The following CARS1 variants were observed in gnomAD, a reference collection of about 807,000 sequenced individuals.
CARS1 encodes cysteinyl-tRNA synthetase 1, also known as cysteine--tRNA ligase, cytoplasmic.
A neutral mutation model predicts 106.2 loss-of-function variants in CARS1; 48 were observed. The ratio of observed to expected loss-of-function variants is 0.45; its 90% confidence interval spans 0.36 to 0.57. The LOEUF (loss-of-function observed/expected upper bound fraction) is 0.57, where lower values mean the gene tolerates loss of function less well. Among genes scored for constraint, CARS1 ranks in the 20% least tolerant of loss-of-function variants. The pLI is 0.00. For missense variants in CARS1, 968 were observed against 1,057.2 expected, an observed-to-expected ratio of 0.92 and a Z score of 1.17; for synonymous variants, 409 against 403.4, an observed-to-expected ratio of 1.01 and a Z score of -0.17.
chr11:3,024,080 A>G (rs1236872523), intron 10 of CARS1, among the ~76,000 whole-genome samples: 1 of 152,054 alleles, frequency 6.6e-6, no homozygotes, highest in Non-Finnish European at 1.5e-5. Context: ...TTTAGTAGAG[A>G]TGGGGTTTCA....
rs1040278624 is a variant in CARS1, at chr11:3,008,485, G to A, written c.2069-1526C>T. 6.6e-6 allele frequency: 1 copy of A among 152,010 alleles called. No homozygotes were observed. The highest frequency in any genetic ancestry group is 1.5e-5 in the Non-Finnish European group (1 of 68,068). 9.4% of individuals were successfully genotyped at this position (152,010 alleles called of 1,614,324 possible). A position where few individuals can be genotyped will look rare whatever the true frequency, so the allele number is the denominator to read the frequency against. On this transcript the variant is annotated intron_variant, in intron 18 of 22. Coordinates refer to ENST00000380525, the MANE Select transcript of CARS1 (RefSeq NM_001014437.3). This position sits in a 1 kb window ranked among gnomAD's most constrained non-coding sequence, Gnocchi z 5.1. Reference sequence around the variant, plus strand: ...AATACAAAAACTATCTGGGTGTGGTGGCATGTGCCTGTAATCCCAGCTACT... The same window carrying A: ...AATACAAAAACTATCTGGGTGTGGTAGCATGTGCCTGTAATCCCAGCTACT...
chr11:3,051,836 G>T (rs1490301988), intron 1 of CARS1, among the ~76,000 whole-genome samples: 2 of 152,074 alleles, frequency 1.3e-5, no homozygotes, highest in African/African-American at 4.8e-5. Context: ...CTCATGCCTG[G>T]GTTGGACTCC....
At position 3,048,124 on chromosome 11, in the gene CARS1, C is replaced by A; in HGVS notation, c.26-123G>T. 1 of 1,209,408 alleles carries A rather than the reference C, an allele frequency of 8.3e-7. No individual in the cohort carries two copies. The highest frequency in any genetic ancestry group is 1.5e-5 in the South Asian group (1 of 65,274). 74.9% of individuals were successfully genotyped at this position (1,209,408 alleles called of 1,614,324 possible). The stretch of plus-strand genomic sequence containing the variant: ...AAAGGTGTTCAAGCCCTTCCCTGGA[C>A]GCCAAACATCCAGAACAGGCAAAGG... On this transcript the variant is annotated intron_variant, in intron 1 of 22. Coordinates refer to ENST00000380525, the MANE Select transcript of CARS1 (RefSeq NM_001014437.3). This position sits in a 1 kb window ranked among gnomAD's most constrained non-coding sequence, Gnocchi z 5.1.
Position 3,019,060 on chromosome 11 carries a change from G to T in CARS1, c.1395+79C>A. The T allele has an allele frequency of 6.9e-7, 1 of 1,450,986 alleles. No homozygotes were observed. The highest frequency in any genetic ancestry group is 9.2e-7 in the Non-Finnish European group (1 of 1,088,618). The allele number at this position is 1,450,986 out of a possible 1,614,324, so 89.9% of individuals were successfully genotyped here. A position where few individuals can be genotyped will look rare whatever the true frequency, so the allele number is the denominator to read the frequency against. The stretch of plus-strand genomic sequence containing the variant: ...GTTCTAGTGAGAGAGGCCCTTCTGA[G>T]GCCTGGGCTGACTTTTCCTCCACTG... On this transcript the variant is annotated intron_variant, in intron 12 of 22. Coordinates refer to ENST00000380525, the MANE Select transcript of CARS1 (RefSeq NM_001014437.3). This position sits in a 1 kb window ranked among gnomAD's most constrained non-coding sequence, Gnocchi z 6.2.
At chr11:3,031,782 TGCA>T (rs1852797877) in intron 7 of CARS1, among the ~76,000 whole-genome samples, 1 of 152,140 alleles carries the variant, frequency 6.6e-6, no homozygotes, top group Non-Finnish European at 1.5e-5. Flanking sequence ...CAGAGATTGC[TGCA>T]GGCTTGGTGT....
Position 3,039,277 on chromosome 11 carries a change from G to A in CARS1, c.568C>T (p.Arg190Trp), listed in dbSNP as rs149387799. The A allele has an allele frequency of 1.1e-3, 1,804 of 1,612,082 alleles. 5 individuals are homozygous for A. The highest frequency in any genetic ancestry group is 1.4e-3 in the Non-Finnish European group (1,607 of 1,178,328). The part of the protein sequence containing the change: ...DIDDKIIKRA[R>W]QNHLFEQYRE... ...TACTGCTCGAACAGGTGGTTCTGCC[G>A]GGCCCTCTTGATGATCTGGGGAGGG... is the stretch of plus-strand genomic sequence containing the variant. Residue 190 changes from arginine (R) to tryptophan (W), a missense_variant, in exon 6 of 23, where the codon CGG becomes TGG. Coordinates refer to ENST00000380525, the MANE Select transcript of CARS1 (RefSeq NM_001014437.3). This position sits in a 1 kb window ranked among gnomAD's most constrained non-coding sequence, Gnocchi z 5.6.
At chr11:3,015,901 T>G (rs147015347) in intron 16 of CARS1, 52 bp from the exon 17 acceptor site, 1 of 1,475,276 alleles carries the variant, frequency 6.8e-7, no homozygotes, top group African/African-American at 1.4e-5. Flanking sequence ...GAAGGCGGCA[T>G]GTGGCGAGCA....
At chr11:3,036,565 A>C (rs148397013) in intron 7 of CARS1, among the ~76,000 whole-genome samples, 332 of 152,384 alleles carry the variant, frequency 2.2e-3, no homozygotes, top group South Asian at 9.1e-3. Context: ...AACCCCATGC[A>C]CTATGGGTGG....
chr11:3,004,681 G>A lies in CARS1; in HGVS notation c.2217+685C>T, dbSNP rs1022061887. Among the ~76,000 whole-genome samples, 1 of 152,212 alleles carries A rather than the reference G, an allele frequency of 6.6e-6. No homozygotes were observed. Among genetic ancestry groups the A allele is most frequent in the African/African-American group, 2.4e-5 (1 of 41,454 alleles). On this transcript the variant is annotated intron_variant, in intron 20 of 22. Transcript: ENST00000380525. The surrounding 1 kb of genome is among the most constrained non-coding windows in gnomAD (Gnocchi z 5.2). ...CTGTTCTTCTGTCCTATTGGGCACC[G>A]AGGAACTTGGGCCATCCCTGATCCT... is the stretch of plus-strand genomic sequence containing the variant.
At chr11:3,056,528 G>A (rs1320739108) in intron 1 of CARS1, among the ~76,000 whole-genome samples, 1 of 152,198 alleles carries the variant, frequency 6.6e-6, no homozygotes. Flanking sequence ...CTCCCGGGTT[G>A]GCAATAAAAT....
chr11:3,057,265 C>T, intron 1 of CARS1, 78 bp downstream of exon 1: 2 of 1,284,548 alleles, frequency 1.6e-6, no homozygotes, highest in South Asian at 2.5e-5. Flanking sequence ...CATAAGGACT[C>T]GCTGCCCTTC....
In CARS1 at chr11:3,038,203, C is replaced by T. The variant is rs1434999750; in HGVS notation, c.652-4G>A. 8.1e-6 allele frequency: 13 copies of T among 1,613,444 alleles called. No individual in the cohort carries two copies. Among genetic ancestry groups the T allele is most frequent in the Non-Finnish European group, 1.1e-5 (13 of 1,179,428 alleles). ...CATTTAATTTTACTGAAAATGGCTG[C>T]AACCATAAAGAGACGTCAAATCTAT... On this transcript the variant is annotated splice_region_variant and splice_polypyrimidine_tract_variant and intron_variant, in intron 6 of 22. Transcript: ENST00000380525. This position sits in a 1 kb window ranked among gnomAD's most constrained non-coding sequence, Gnocchi z 4.0.
rs1419527029 is a variant in CARS1, at chr11:3,037,684, C to A, written c.801+366G>T. On this transcript the variant is annotated intron_variant, in intron 7 of 22. Coordinates refer to ENST00000380525, the MANE Select transcript of CARS1 (RefSeq NM_001014437.3). The surrounding 1 kb of genome is among the most constrained non-coding windows in gnomAD (Gnocchi z 5.9). ...CAATTCAATGTTAATCCCTGCTCCT[C>A]CTTCTCCAGCTGGTGTGGGGAGAGT... Among the ~76,000 whole-genome samples, 1 of 152,238 alleles carries A rather than the reference C, an allele frequency of 6.6e-6. No homozygotes were observed. The highest frequency in any genetic ancestry group is 1.9e-4 in the East Asian group (1 of 5,200).
chr11:3,054,933 G>C (rs1209826243), intron 1 of CARS1: 1 of 702,604 alleles, frequency 1.4e-6, no homozygotes, highest in South Asian at 1.5e-5. Flanking sequence ...CCCTGAGGTA[G>C]GCTCCATCTA....
chr11:3,010,270 C>T (rs1037806170), intron 18 of CARS1, among the ~76,000 whole-genome samples: 5 of 152,222 alleles, frequency 3.3e-5, no homozygotes, highest in South Asian at 4.1e-4. Flanking sequence ...GCCAAGGCCA[C>T]GTGCACAGTC....
At position 3,022,477 on chromosome 11, in the gene CARS1, C is replaced by T. The variant is rs1851652239; in HGVS notation, c.1154-2145G>A. Among the ~76,000 whole-genome samples, 1 of 152,160 alleles carries T rather than the reference C, an allele frequency of 6.6e-6. No individual in the cohort carries two copies. The highest frequency in any genetic ancestry group is 2.1e-4 in the South Asian group (1 of 4,828). ...TTTCCTCCCATCTCCATTTGTCCAC[C>T]ATACAATTACTACGCTTCTTCTACG... is the stretch of plus-strand genomic sequence containing the variant. On this transcript the variant is annotated intron_variant, in intron 10 of 22. Transcript: ENST00000380525. The surrounding 1 kb of genome is among the most constrained non-coding windows in gnomAD (Gnocchi z 4.9).
intron 17 of CARS1, among the ~76,000 whole-genome samples, chr11:3,014,491 C>T (rs1335159345): frequency 6.6e-6 from 1 of 152,220 alleles, no homozygotes; most frequent in African/African-American, 2.4e-5. Flanking sequence ...GTCCACAGCA[C>T]GCTGAAGGCA....
chr11:3,024,978 T>C (rs1851909298), intron 10 of CARS1, among the ~76,000 whole-genome samples: 1 of 152,218 alleles, frequency 6.6e-6, no homozygotes, highest in African/African-American at 2.4e-5. Context: ...TCCGTATTAA[T>C]TCTTGGCCTA....
chr11:3,024,870 T>G (rs1220196255), intron 10 of CARS1, among the ~76,000 whole-genome samples: 1 of 152,238 alleles, frequency 6.6e-6, no homozygotes, highest in Admixed American at 6.5e-5. Flanking sequence ...TGGCATATGT[T>G]TCTGTGTTCT....
Sources: gnomAD v4.1 joint callset for allele counts (sites outside exome capture counted in the v4.1 genomes callset) on GRCh38, gnomAD v4.1.1 for gene constraint, Gnocchi (gnomAD v3.1) non-coding constraint, MANE v1.5 for transcripts, NCBI Gene and HGNC (gene_info 2026-07-23, HGNC 2026-07-21) for gene names.